The following RAB3B variants were observed in gnomAD, a reference collection of about 807,000 sequenced individuals.
RAB3B encodes the protein ras-related protein Rab-3B.
In RAB3B, 11 loss-of-function variants were observed where a neutral mutation model predicts 20.5. The ratio of observed to expected loss-of-function variants is 0.54; its 90% CI spans 0.34 to 0.89. RAB3B has a LOEUF of 0.89. RAB3B is among the 40% of genes least tolerant of loss of function. The pLI is 0.02. For missense variants in RAB3B, 225 were observed against 280.9 expected, an observed-to-expected ratio of 0.80 and a Z score of 1.42; for synonymous variants, 99 against 106.3, an observed-to-expected ratio of 0.93 and a Z score of 0.42.
At chr1:51,944,114 T>A (rs953632050) in intron 2 of RAB3B, among the ~76,000 whole-genome samples, 1 of 152,152 alleles carries the variant, frequency 6.6e-6, no homozygotes, top group Admixed American at 6.5e-5. Context: ...GCTGGTGACT[T>A]TAATTTGAAG....
chr1:51,972,879 GC>G (rs1208182307), intron 2 of RAB3B, among the ~76,000 whole-genome samples: 8 of 152,210 alleles, frequency 5.3e-5, no homozygotes, highest in Admixed American at 2.6e-4. Flanking sequence ...CCAAGTCCTT[GC>G]TTGCTTGCTT....
At chr1:51,952,786 A>C (rs976720652) in intron 2 of RAB3B, among the ~76,000 whole-genome samples, 1 of 152,224 alleles carries the variant, frequency 6.6e-6, no homozygotes, top group South Asian at 2.1e-4. Flanking sequence ...AATTAAAAAC[A>C]TGACATCACC....
chr1:51,979,563 A>G (rs1571980763), intron 1 of RAB3B, among the ~76,000 whole-genome samples: 1 of 151,644 alleles, frequency 6.6e-6, no homozygotes, highest in Non-Finnish European at 1.5e-5. Context: ...GAGCCACCAC[A>G]CCTGGCCACA....
intron 2 of RAB3B, among the ~76,000 whole-genome samples, chr1:51,948,950 T>A (rs1684598764): frequency 6.6e-6 from 1 of 152,162 alleles, no homozygotes; most frequent in Non-Finnish European, 1.5e-5. Context: ...GATAAATGTA[T>A]GGGGGTGTCT....
At chr1:51,970,433 A>G (rs1684912885) in intron 2 of RAB3B, among the ~76,000 whole-genome samples, 1 of 152,018 alleles carries the variant, frequency 6.6e-6, no homozygotes, top group Admixed American at 6.6e-5. Flanking sequence ...CTGATCCACA[A>G]TCATTAACTT....
chr1:51,949,013 C>G (rs1333498388), intron 2 of RAB3B, among the ~76,000 whole-genome samples: 1 of 152,158 alleles, frequency 6.6e-6, no homozygotes, highest in Non-Finnish European at 1.5e-5. Flanking sequence ...TGGAAAAATC[C>G]AAACCTTCCC....
chr1:51,962,337 A>G (rs1684795172), intron 2 of RAB3B, among the ~76,000 whole-genome samples: 1 of 152,206 alleles, frequency 6.6e-6, no homozygotes, highest in South Asian at 2.1e-4. Context: ...GTGAAGGTCT[A>G]AATGAAAGCT....
intron 1 of RAB3B, among the ~76,000 whole-genome samples, 179 bp downstream of exon 1, chr1:51,990,373 G>T (rs1571985427): frequency 7.2e-6 from 1 of 139,712 alleles, no homozygotes; most frequent in East Asian, 2.1e-4. Context: ...CCCCCTCGGC[G>T]CCCCCTCCCT....
rs1483272182 is a variant in RAB3B, at chr1:51,918,179, C to T, written c.*1748G>A. On this transcript the variant is annotated 3_prime_UTR_variant, in exon 5 of 5. Transcript: ENST00000371655. ...CACCAGAAGTGGTTTCCCACACTCT[C>T]TGGTAGAAACTAAGGTTTCACTCCC... is the stretch of plus-strand genomic sequence containing the variant. 1.3e-5 allele frequency: 2 copies of T among 152,204 alleles called. No individual in the cohort carries two copies. Among genetic ancestry groups the T allele is most frequent in the East Asian group, 3.9e-4 (2 of 5,192 alleles). 9.4% of individuals were successfully genotyped at this position (152,204 alleles called of 1,614,324 possible).
Position 51,923,597 on chromosome 1 carries a change from C to T in RAB3B, c.473-3483G>A, listed in dbSNP as rs538589351. On this transcript the variant is annotated intron_variant, in intron 4 of 4. Coordinates refer to ENST00000371655, the MANE Select transcript of RAB3B (RefSeq NM_002867.4). ...CGGGTGTGGTGGCACTGCCTGTAAT[C>T]CCAGCTACTCGGGAGGCTGAGGCAG... Among the ~76,000 whole-genome samples, 6 of 152,200 alleles carry T rather than the reference C, an allele frequency of 3.9e-5. No homozygotes were observed. In the South Asian group the frequency reaches 1.2e-3, roughly 32 times the overall value.
At chr1:51,937,535 T>G in intron 2 of RAB3B, 123 bp from the exon 3 acceptor site, 1 of 571,906 alleles carries the variant, frequency 1.7e-6, no homozygotes, top group Non-Finnish European at 2.9e-6. Flanking sequence ...TTTGCTCTTG[T>G]TGCCCAGGCT....
chr1:51,966,272 C>A (rs913802298), intron 2 of RAB3B, among the ~76,000 whole-genome samples: 2 of 152,240 alleles, frequency 1.3e-5, no homozygotes, highest in African/African-American at 4.8e-5. Context: ...GTGAGACCTG[C>A]AATGATTTTC....
At chr1:51,958,092 T>A (rs1684734640) in intron 2 of RAB3B, among the ~76,000 whole-genome samples, 4 of 152,202 alleles carry the variant, frequency 2.6e-5, no homozygotes, top group Admixed American at 2.6e-4. Context: ...CCTGAGGGGT[T>A]CAGCCAGGCA....
intron 2 of RAB3B, among the ~76,000 whole-genome samples, chr1:51,975,678 T>A (rs1299083703): frequency 6.6e-6 from 1 of 152,154 alleles, no homozygotes. Flanking sequence ...GCACCAGACA[T>A]GTGAGTGTGC....
At chr1:51,948,454 T>C (rs536273045) in intron 2 of RAB3B, among the ~76,000 whole-genome samples, 133 of 152,354 alleles carry the variant, frequency 8.7e-4, no homozygotes, top group African/African-American at 2.9e-3. Flanking sequence ...TCTTTTCCTT[T>C]CTTTCAAATC....
chr1:51,976,693 CAGA>C (rs1365118846), intron 2 of RAB3B, among the ~76,000 whole-genome samples, 194 bp downstream of exon 2: 2 of 152,300 alleles, frequency 1.3e-5, no homozygotes, highest in Admixed American at 1.3e-4. Flanking sequence ...AGTTAAACAG[CAGA>C]AGCAACTGAA....
chr1:51,969,065 C>G (rs1178887084), intron 2 of RAB3B, among the ~76,000 whole-genome samples: 1 of 152,152 alleles, frequency 6.6e-6, no homozygotes, highest in East Asian at 1.9e-4. Flanking sequence ...AAGGCCTAGG[C>G]AGGCAGATCA....
chr1:51,927,795 C>A (rs1028806804), intron 4 of RAB3B, among the ~76,000 whole-genome samples: 1 of 152,100 alleles, frequency 6.6e-6, no homozygotes, highest in Admixed American at 6.5e-5. Context: ...AGAGCAAGAT[C>A]TTGCCTCAAA....
intron 2 of RAB3B, among the ~76,000 whole-genome samples, chr1:51,957,212 C>T (rs1429605952): frequency 6.6e-6 from 1 of 152,170 alleles, no homozygotes; most frequent in East Asian, 1.9e-4. Flanking sequence ...CTCACTCTGT[C>T]GATCTTTTCC....
Sources: allele counts gnomAD v4.1 joint callset (sites outside exome capture counted in the v4.1 genomes callset), GRCh38; gene constraint gnomAD v4.1.1; transcripts MANE v1.5; gene names NCBI Gene and HGNC (gene_info 2026-07-23, HGNC 2026-07-21).